RIOX2: variants seen among roughly 807,000 people sequenced by gnomAD.
RIOX2 encodes ribosomal oxygenase 2.
In RIOX2, 43 loss-of-function variants were observed where a neutral mutation model predicts 51.2. The observed-to-expected ratio is 0.84, with a 90% CI of 0.66 to 1.08. RIOX2 has a LOEUF of 1.08. RIOX2 is among the 50% of genes least tolerant of loss of function. The pLI is 0.00. For missense variants in RIOX2, 566 were observed against 561.7 expected, an observed-to-expected ratio of 1.01 and a Z score of -0.08; for synonymous variants, 226 against 218.5, an observed-to-expected ratio of 1.03 and a Z score of -0.30.
chr3:97,945,068 T>TTTG lies in RIOX2; in HGVS notation c.*113_*115dup. 1 of 904,960 alleles carries TTTG rather than the reference T, an allele frequency of 1.1e-6. No individual in the cohort carries two copies. Among genetic ancestry groups the TTTG allele is most frequent in the Non-Finnish European group, 1.6e-6 (1 of 625,162 alleles). The allele number at this position is 904,960 out of a possible 1,614,324, so 56.1% of individuals were successfully genotyped here. On this transcript the variant is annotated 3_prime_UTR_variant, in exon 10 of 10. Transcript: ENST00000394198. ...CCACCTGTAACAGGGAGGTCTCATGTTTGTTAGTAGATACGCAGGTAAGGA... is the reference window on the plus strand; with the variant it reads ...CCACCTGTAACAGGGAGGTCTCATGTTTGTTGTTAGTAGATACGCAGGTAAGGA...
In RIOX2 at chr3:97,942,718, C is replaced by A. The variant is rs982462451; in HGVS notation, c.*2466G>T. 8 of 290,516 alleles carry A rather than the reference C, an allele frequency of 2.8e-5. No individual in the cohort carries two copies. The highest frequency in any genetic ancestry group is 4.4e-5 in the Non-Finnish European group (7 of 159,636). The allele number at this position is 290,516 out of a possible 1,614,324, so 18.0% of individuals were successfully genotyped here. On this transcript the variant is annotated 3_prime_UTR_variant, in exon 10 of 10. Coordinates refer to ENST00000394198, the MANE Select transcript of RIOX2 (RefSeq NM_153182.4). ...AGTTCTAAATTTCAAGCACCATAAACCATGAAATGAATGTCATCTGTTTCT... is the reference window on the plus strand; with the variant it reads ...AGTTCTAAATTTCAAGCACCATAAAACATGAAATGAATGTCATCTGTTTCT...
chr3:97,959,692 G>T (rs1384091552), intron 3 of RIOX2, among the ~76,000 whole-genome samples: 1 of 152,068 alleles, frequency 6.6e-6, no homozygotes, highest in African/African-American at 2.4e-5. Context: ...ATTTGGAGGA[G>T]ATTTGCAACA....
At position 97,967,541 on chromosome 3, in the gene RIOX2, G is replaced by A. The variant is rs1432585903; in HGVS notation, c.53C>T (p.Pro18Leu). Reference sequence around the variant, plus strand: ...TGCTTCTAACTTCATCTGCTTACAGGGAGCCGGCCCCTCTTCCTTCCCACT... The same window carrying A: ...TGCTTCTAACTTCATCTGCTTACAGAGAGCCGGCCCCTCTTCCTTCCCACT... ...TGSGKEEGPA[P>L]CKQMKLEAAG... is the part of the protein sequence containing the mutation. The change falls in exon 2 of 10, where the codon CCC becomes CTC. Residue 18 changes from proline (P) to leucine (L), a missense_variant. Coordinates refer to ENST00000394198, the MANE Select transcript of RIOX2 (RefSeq NM_153182.4). The A allele has an allele frequency of 6.2e-7, 1 of 1,612,448 alleles. No homozygotes were observed. The highest frequency in any genetic ancestry group is 8.5e-7 in the Non-Finnish European group (1 of 1,179,544).
At position 97,957,748 on chromosome 3, in the gene RIOX2, C is replaced by T. The variant is rs186275003; in HGVS notation, c.681+1303G>A. 7.2e-5 allele frequency among the ~76,000 whole-genome samples: 11 copies of T among 152,214 alleles called. No individual in the cohort carries two copies. The East Asian group carries it at 9.7e-4, about 13-fold the overall frequency. On this transcript the variant is annotated intron_variant, in intron 4 of 9. Transcript: ENST00000394198. ...GCCTGAGTAACTCAGCCCTGACTTC[C>T]GAGAGTACAGATGGCTTAGTCTTTA...
intron 1 of RIOX2, among the ~76,000 whole-genome samples, chr3:97,971,274 C>G (rs1706119824): frequency 6.6e-6 from 1 of 152,226 alleles, no homozygotes; most frequent in African/African-American, 2.4e-5. Context: ...ATGCAAATTT[C>G]TGGGCCCTCA....
rs1221908596 is a variant in RIOX2, at chr3:97,942,058, A to G, written c.*3126T>C. On this transcript the variant is annotated 3_prime_UTR_variant, in exon 10 of 10. Coordinates refer to ENST00000394198, the MANE Select transcript of RIOX2 (RefSeq NM_153182.4). The stretch of plus-strand genomic sequence containing the variant: ...GTCAGATGTAGACATCCTATTAAAA[A>G]CAAGTACCTCTATTTCAGTTGGTTT... 3.0e-6 allele frequency: 1 copy of G among 335,818 alleles called. No homozygotes were observed. Among genetic ancestry groups the G allele is most frequent in the African/African-American group, 2.1e-5 (1 of 46,988 alleles). The allele number at this position is 335,818 out of a possible 1,614,324, so 20.8% of individuals were successfully genotyped here.
chr3:97,948,049 G>A (rs1391791370), intron 7 of RIOX2, among the ~76,000 whole-genome samples: 1 of 152,126 alleles, frequency 6.6e-6, no homozygotes, highest in Non-Finnish European at 1.5e-5. Flanking sequence ...GGAAGGAGTC[G>A]TGAGGGATCA....
chr3:97,955,675 GTC>G (rs1418049385), intron 4 of RIOX2, among the ~76,000 whole-genome samples: 5 of 152,148 alleles, frequency 3.3e-5, no homozygotes, highest in African/African-American at 4.8e-5. Flanking sequence ...TTTACTGAGT[GTC>G]TCTGTGCCAG....
At position 97,961,588 on chromosome 3, in the gene RIOX2, C is replaced by G. The variant is rs775509881; in HGVS notation, c.552+1G>C. ...ATGGGGCAATTTTCTCCATCTCTTACCTCGACATCATCATAATGGGGCGGC... is the reference window on the plus strand; with the variant it reads ...ATGGGGCAATTTTCTCCATCTCTTAGCTCGACATCATCATAATGGGGCGGC... On this transcript the variant is annotated splice_donor_variant, in intron 3 of 9. Transcript: ENST00000394198. LOFTEE classifies it high-confidence loss of function. 1 of 1,596,982 alleles carries G rather than the reference C, an allele frequency of 6.3e-7. No homozygotes were observed.
intron 3 of RIOX2, among the ~76,000 whole-genome samples, chr3:97,960,574 A>G (rs1705639580): frequency 6.6e-6 from 1 of 152,198 alleles, no homozygotes; most frequent in Admixed American, 6.5e-5. Flanking sequence ...CACACTGCAC[A>G]AGGGTCAAGT....
intron 7 of RIOX2, 63 bp from the exon 8 acceptor site, chr3:97,947,512 CT>C: frequency 8.2e-7 from 1 of 1,225,704 alleles, no homozygotes; most frequent in Non-Finnish European, 1.2e-6. Flanking sequence ...TTCAAACTTG[CT>C]TATACATACA....
Position 97,942,367 on chromosome 3 carries a change from C to G in RIOX2, c.*2817G>C. The G allele has an allele frequency of 6.2e-7, 1 of 1,611,958 alleles. No individual in the cohort carries two copies. ...CTCTATGGACTGAACATGGGCAATT[C>G]AGGCAGAAGTGGAGACTGAATAAAA... On this transcript the variant is annotated 3_prime_UTR_variant, in exon 10 of 10. Coordinates refer to ENST00000394198, the MANE Select transcript of RIOX2 (RefSeq NM_153182.4).
intron 4 of RIOX2, among the ~76,000 whole-genome samples, chr3:97,955,771 A>G (rs546848626): frequency 1.1e-4 from 16 of 152,282 alleles, no homozygotes; most frequent in African/African-American, 3.9e-4. Flanking sequence ...TCACTGCGCA[A>G]ACATCAGTGT....
In RIOX2 at chr3:97,944,991, G is replaced by C. The variant is rs1421746958; in HGVS notation, c.*193C>G. 2 of 423,176 alleles carry C rather than the reference G, an allele frequency of 4.7e-6. No individual in the cohort carries two copies. Among genetic ancestry groups the C allele is most frequent in the Non-Finnish European group, 8.4e-6 (2 of 239,162 alleles). 26.2% of individuals were successfully genotyped at this position (423,176 alleles called of 1,614,324 possible). A position where few individuals can be genotyped will look rare whatever the true frequency, so the allele number is the denominator to read the frequency against. ...GTTTTGTCATTTTCTGAGACACTTG[G>C]TAATTTGCTGTTCTTTCTTTCATGT... On this transcript the variant is annotated 3_prime_UTR_variant, in exon 10 of 10. Coordinates refer to ENST00000394198, the MANE Select transcript of RIOX2 (RefSeq NM_153182.4).
In RIOX2 at chr3:97,945,342, A is replaced by C. The variant is rs1460097623; in HGVS notation, c.1240T>G (p.Phe414Val). Residue 414 changes from phenylalanine (F) to valine (V), a missense_variant and splice_region_variant, in exon 10 of 10, where the codon TTT (phenylalanine) becomes GTT (valine). Physicochemically the swap from Phe to Val is conservative, Grantham distance 50 (BLOSUM62 -1). Coordinates refer to ENST00000394198, the MANE Select transcript of RIOX2 (RefSeq NM_153182.4). ...GACAAAGGGAAGCGAAGTCCATGAA[A>C]CTGAAAGGATAAATTTATTTGTCAA... The part of the protein sequence containing the change: ...HMMGNEEETE[F>V]HGLRFPLSHL... The C allele has an allele frequency of 2.5e-6, 4 of 1,607,708 alleles. No individual in the cohort carries two copies. The East Asian group carries it at 8.9e-5, about 36-fold the overall frequency.
chr3:97,970,373 T>C (rs1706080345), intron 1 of RIOX2, among the ~76,000 whole-genome samples: 1 of 152,178 alleles, frequency 6.6e-6, no homozygotes, highest in Non-Finnish European at 1.5e-5. Flanking sequence ...AGCTTAGAGG[T>C]TTCTGGGCAA....
Position 97,945,282 on chromosome 3 carries a change from G to C in RIOX2, c.1300C>G (p.Pro434Ala). 3.7e-6 allele frequency: 6 copies of C among 1,612,574 alleles called. No homozygotes were observed. Among genetic ancestry groups the C allele is most frequent in the African/African-American group, 1.3e-5 (1 of 74,938 alleles). Residue 434 changes from proline to alanine, a missense_variant, in exon 10 of 10, where the codon CCA becomes GCA. Transcript: ENST00000394198. ...LDALKQIWNS[P>A]AISVKDLKLT... ...TTCAGGTCCTTGACAGAAATAGCTG[G>C]ACTATTCCAAATTTGCTTCAGTGCA...
intron 5 of RIOX2, among the ~76,000 whole-genome samples, chr3:97,953,067 G>A (rs74896620): frequency 0.026 from 3,957 of 152,146 alleles, 159 homozygotes; most frequent in African/African-American, 0.09. Flanking sequence ...GTGACTTGCC[G>A]TCCCTTGGAC....
At position 97,959,135 on chromosome 3, in the gene RIOX2, G is replaced by T. The variant is rs780368617; in HGVS notation, c.597C>A (p.Tyr199Ter). 1.2e-6 allele frequency: 2 copies of T among 1,613,986 alleles called. No individual in the cohort carries two copies. Among genetic ancestry groups the T allele is most frequent in the Non-Finnish European group, 1.7e-6 (2 of 1,179,972 alleles). The change falls in exon 4 of 10, where the codon TAC (tyrosine) becomes TAA (stop). Residue 199 changes from tyrosine to a stop codon, truncating the protein, a stop_gained. Transcript: ENST00000394198. LOFTEE classifies it high-confidence loss of function. ...QLEGEKHWRL[Y>*]HPTVPLAREY... The stretch of plus-strand genomic sequence containing the variant: ...CTCGTGCCAGGGGCACAGTGGGGTG[G>T]TAGAGGCGCCAGTGTTTCTCTCCCT...
Sources: allele counts gnomAD v4.1 joint callset (sites outside exome capture counted in the v4.1 genomes callset), GRCh38; gene constraint gnomAD v4.1.1; transcripts MANE v1.5; gene names NCBI Gene and HGNC (gene_info 2026-07-23, HGNC 2026-07-21).